Variants in DLG2 observed in about 807,000 individuals in gnomAD.
DLG2 encodes the protein discs large MAGUK scaffold protein 2.
Under a neutral mutation model 132.5 loss-of-function variants are expected in DLG2, and 45 were observed. The observed-to-expected ratio is 0.34, with a 90% confidence interval of 0.27 to 0.44. The LOEUF is 0.44. Among genes scored for constraint, DLG2 ranks in the 20% least tolerant of loss-of-function variants. The pLI is 1.00. For synonymous variants in DLG2, 424 were observed against 419.6 expected, an observed-to-expected ratio of 1.01 and a Z score of -0.13; for missense variants, 1,045 against 1,196.9, an observed-to-expected ratio of 0.87 and a Z score of 1.87.
At chr11:84,903,145 A>T (rs1181405692) in intron 6 of DLG2, among the ~76,000 whole-genome samples, 1 of 152,294 alleles carries the variant, frequency 6.6e-6, no homozygotes, top group African/African-American at 2.4e-5. Flanking sequence ...TCAAGACATA[A>T]GAAAAATTAA....
rs1278081513 is a variant in DLG2 at position 84,781,779 on chromosome 11, G to C, written c.358-247048C>G. ...CAAAATTACTCTTTGCAGCCATGTA[G>C]TATGGAAGGAAACAAGATATTTCCA... On this transcript the variant is annotated intron_variant, in intron 6 of 27. Coordinates refer to ENST00000376104, the MANE Select transcript of DLG2 (RefSeq NM_001142699.3). Among the ~76,000 whole-genome samples the C allele has an allele frequency of 3.9e-5, 6 of 152,244 alleles. No homozygotes were observed. The East Asian group carries it at 1.2e-3, about 29-fold the overall frequency.
intron 6 of DLG2, among the ~76,000 whole-genome samples, chr11:84,574,821 A>C (rs1361603873): frequency 6.6e-6 from 1 of 151,998 alleles, no homozygotes; most frequent in African/African-American, 2.4e-5. Flanking sequence ...GACTGGAACC[A>C]CCATCTCCAC....
intron 7 of DLG2, among the ~76,000 whole-genome samples, chr11:84,376,499 A>G (rs2098729404): frequency 6.6e-6 from 1 of 151,952 alleles, no homozygotes; most frequent in African/African-American, 2.4e-5. Context: ...TTGAATCCTT[A>G]CTAAATTAAG....
At chr11:85,461,200 T>C (rs1250406414) in intron 3 of DLG2, among the ~76,000 whole-genome samples, 1 of 152,246 alleles carries the variant, frequency 6.6e-6, no homozygotes, top group Non-Finnish European at 1.5e-5. Context: ...CATTTCTTCC[T>C]ACTTATTGTA....
rs976196242 is a variant in DLG2 at position 84,870,188 on chromosome 11, T to C, written c.357+241473A>G. Among the ~76,000 whole-genome samples, 4 of 152,226 alleles carry C rather than the reference T, an allele frequency of 2.6e-5. No homozygotes were observed. The South Asian group carries it at 8.3e-4, about 31-fold the overall frequency. ...GATTTGTGTGTCATTAGCATCATTTTATGCATAATATGAGTGAATTACATC... is the reference window on the plus strand; with the variant it reads ...GATTTGTGTGTCATTAGCATCATTTCATGCATAATATGAGTGAATTACATC... On this transcript the variant is annotated intron_variant, in intron 6 of 27. Transcript: ENST00000376104.
At chr11:84,819,055 CCA>C (rs1443905973) in intron 6 of DLG2, among the ~76,000 whole-genome samples, 1 of 96,436 alleles carries the variant, frequency 1.0e-5, no homozygotes. Context: ...ATACACTGGC[CCA>C]CACTCCCTCA....
chr11:84,722,821 T>G (rs888972163), intron 6 of DLG2, among the ~76,000 whole-genome samples: 3 of 152,152 alleles, frequency 2.0e-5, no homozygotes, highest in Non-Finnish European at 2.9e-5. Context: ...TTACACTAAG[T>G]GCAGAAGTCC....
intron 19 of DLG2, among the ~76,000 whole-genome samples, chr11:83,567,870 T>G (rs535755): frequency 0.72 from 109,434 of 152,012 alleles, 40,065 homozygotes; most frequent in African/African-American, 0.86. Context: ...AAGCAATAGA[T>G]TTGAGAATGT....
At chr11:84,838,773 C>T (rs924015652) in intron 6 of DLG2, among the ~76,000 whole-genome samples, 1 of 151,982 alleles carries the variant, frequency 6.6e-6, no homozygotes, top group Admixed American at 6.6e-5. Flanking sequence ...GCAGAAAAGG[C>T]CTTTGACAAA....
At position 84,239,108 on chromosome 11, in the gene DLG2, T is replaced by C. The variant is rs1425960963; in HGVS notation, c.573+12130A>G. Among the ~76,000 whole-genome samples the C allele has an allele frequency of 3.9e-5, 6 of 152,302 alleles. No homozygotes were observed. The East Asian group carries it at 9.6e-4, about 24-fold the overall frequency. ...TTCAAATAAACAATTGAGTGTAACA[T>C]TGAAAAAAACTTTTATTGAAATCCC... On this transcript the variant is annotated intron_variant, in intron 8 of 27. Coordinates refer to ENST00000376104, the MANE Select transcript of DLG2 (RefSeq NM_001142699.3).
At chr11:85,142,906 C>T (rs1325572839) in intron 5 of DLG2, among the ~76,000 whole-genome samples, 1 of 151,770 alleles carries the variant, frequency 6.6e-6, no homozygotes, top group Non-Finnish European at 1.5e-5. Flanking sequence ...ACGAATCTCA[C>T]TTGGTCTTGA....
intron 3 of DLG2, among the ~76,000 whole-genome samples, chr11:85,526,737 C>G (rs73499158): frequency 0.011 from 1,648 of 152,172 alleles, 30 homozygotes; most frequent in African/African-American, 0.038. Context: ...GCATTTGAAT[C>G]AGTAGACCAA....
At chr11:84,047,325 C>T (rs1442513451) in intron 11 of DLG2, among the ~76,000 whole-genome samples, 1 of 151,576 alleles carries the variant, frequency 6.6e-6, no homozygotes, top group Non-Finnish European at 1.5e-5. Context: ...AAGAAGAACA[C>T]TTAAAATTTA....
intron 15 of DLG2, among the ~76,000 whole-genome samples, chr11:83,902,230 C>G (rs1479353172): frequency 6.6e-6 from 1 of 152,118 alleles, no homozygotes; most frequent in East Asian, 1.9e-4. Flanking sequence ...ATATGGCTCC[C>G]CTTGTTCTGG....
Position 84,098,900 on chromosome 11 carries a change from A to T in DLG2, c.749+23T>A, listed in dbSNP as rs747181951. 4 of 1,609,568 alleles carry T rather than the reference A, an allele frequency of 2.5e-6. No individual in the cohort carries two copies. The East Asian group carries it at 8.9e-5, about 36-fold the overall frequency. On this transcript the variant is annotated intron_variant, in intron 10 of 27. Transcript: ENST00000376104. ...ATGCAGCAGATTTACTTTCAAAATC[A>T]TTCTAATGTTTCAGATCTTTACCTG...
At chr11:84,254,004 G>A (rs2097426538) in intron 7 of DLG2, among the ~76,000 whole-genome samples, 1 of 152,220 alleles carries the variant, frequency 6.6e-6, no homozygotes, top group East Asian at 1.9e-4. Flanking sequence ...GTTGAACACA[G>A]TCTGGTGAAG....
intron 6 of DLG2, among the ~76,000 whole-genome samples, chr11:84,755,848 T>C (rs1437280498): frequency 6.6e-6 from 1 of 152,208 alleles, no homozygotes; most frequent in East Asian, 1.9e-4. Context: ...TCACTTTTAG[T>C]GTGAGAATTA....
rs957220689 is a variant in DLG2 at position 84,040,506 on chromosome 11, G to C, written c.919+18809C>G. 3.9e-4 allele frequency among the ~76,000 whole-genome samples: 60 copies of C among 151,922 alleles called. No individual in the cohort carries two copies. In the East Asian group the frequency reaches 0.011, roughly 29 times the overall value. ...CTTTCCCCATTGCCTGTTTTTCTCA[G>C]GTTTGTCAAAGATCAGATAGTTGTA... On this transcript the variant is annotated intron_variant, in intron 11 of 27. Coordinates refer to ENST00000376104, the MANE Select transcript of DLG2 (RefSeq NM_001142699.3).
At chr11:85,112,718 G>T (rs568945194) in intron 5 of DLG2, among the ~76,000 whole-genome samples, 1 of 152,106 alleles carries the variant, frequency 6.6e-6, no homozygotes, top group African/African-American at 2.4e-5. Flanking sequence ...ACTTAGAGAG[G>T]TTAAGCAACT....
Sources: allele counts gnomAD v4.1 joint callset (sites outside exome capture counted in the v4.1 genomes callset), GRCh38; gene constraint gnomAD v4.1.1; transcripts MANE v1.5; gene names NCBI Gene and HGNC (gene_info 2026-07-23, HGNC 2026-07-21).